The following KAT6B variants were observed in gnomAD, a reference collection of about 807,000 sequenced individuals.
The protein encoded by KAT6B is lysine acetyltransferase 6B, also known as histone acetyltransferase KAT6B.
KAT6B carries 10 observed loss-of-function variants against 187.5 expected under a neutral mutation model. The observed-to-expected ratio is 0.05, with a 90% CI of 0.03 to 0.09. The LOEUF (loss-of-function observed/expected upper bound fraction) is 0.09, where lower values mean the gene tolerates loss of function less well. Ranked by LOEUF, KAT6B falls within the 10% of genes least tolerant of loss-of-function variation. The pLI, the probability that KAT6B is intolerant of heterozygous loss-of-function variation, is 1.00. For missense variants in KAT6B, 1,952 were observed against 2,558.9 expected, an observed-to-expected ratio of 0.76 and a Z score of 5.12; for synonymous variants, 861 against 926.8, an observed-to-expected ratio of 0.93 and a Z score of 1.29.
intron 1 of KAT6B, among the ~76,000 whole-genome samples, chr10:74,835,211 A>ATTT (rs1464391355): frequency 6.6e-6 from 1 of 152,188 alleles, no homozygotes; most frequent in East Asian, 1.9e-4. Context: ...TGGGCCATGA[A>ATTT]GGATTTGAAT....
At chr10:74,878,746 A>C (rs748108491) in intron 3 of KAT6B, among the ~76,000 whole-genome samples, 1 of 152,164 alleles carries the variant, frequency 6.6e-6, no homozygotes, top group Non-Finnish European at 1.5e-5. Context: ...TATGTAGAGA[A>C]GTAACAAGCT....
chr10:74,908,228 G>A (rs181314669), intron 3 of KAT6B, among the ~76,000 whole-genome samples: 102 of 152,290 alleles, frequency 6.7e-4, no homozygotes, highest in African/African-American at 2.3e-3. Context: ...CCAGATGTGA[G>A]GCCCCTCGAA....
At chr10:75,022,741 G>C (rs1845534796) in intron 16 of KAT6B, among the ~76,000 whole-genome samples, 2 of 152,168 alleles carry the variant, frequency 1.3e-5, no homozygotes, top group Non-Finnish European at 2.9e-5. Flanking sequence ...GACCAGCCTG[G>C]CTAACGTGGT....
intron 3 of KAT6B, among the ~76,000 whole-genome samples, chr10:74,947,710 G>T (rs1160606667): frequency 2.7e-5 from 4 of 150,794 alleles, no homozygotes; most frequent in African/African-American, 9.7e-5. Flanking sequence ...TTTACCCTTA[G>T]TAGGCTTTCT....
chr10:74,987,515 T>C (rs912611516), intron 12 of KAT6B, among the ~76,000 whole-genome samples: 28 of 152,190 alleles, frequency 1.8e-4, no homozygotes, highest in Non-Finnish European at 2.9e-5. Flanking sequence ...GGGCTATTCT[T>C]GAACCACATT....
chr10:74,999,357 A>G (rs1176756804), intron 13 of KAT6B, among the ~76,000 whole-genome samples: 1 of 152,206 alleles, frequency 6.6e-6, no homozygotes, highest in African/African-American at 2.4e-5. Flanking sequence ...GGGGGTCTGC[A>G]TTAGAGGGAG....
chr10:74,906,669 CT>C (rs758521380), intron 3 of KAT6B, among the ~76,000 whole-genome samples: 1 of 152,206 alleles, frequency 6.6e-6, no homozygotes, highest in Non-Finnish European at 1.5e-5. Flanking sequence ...TCTGTTTCCT[CT>C]ATAAACTATG....
Position 74,982,396 on chromosome 10 carries a change from G to A in KAT6B, c.2373+468G>A, listed in dbSNP as rs41280420. The A allele has an allele frequency of 6.1e-3, 1,033 of 168,392 alleles. 6 individuals are homozygous for A. The highest frequency in any genetic ancestry group is 0.046 in the Middle Eastern group (15 of 328). 10.4% of individuals were successfully genotyped at this position (168,392 alleles called of 1,614,324 possible). A position where few individuals can be genotyped will look rare whatever the true frequency, so the allele number is the denominator to read the frequency against. On this transcript the variant is annotated intron_variant, in intron 11 of 17. Transcript: ENST00000287239. ...GGATAATCCTTTTGGTGAGACCCTA[G>A]CAGATGTTGGGACTCCCTCCCATCT...
rs756421689 is a variant in KAT6B at position 75,028,679 on chromosome 10, G to A, written c.3855G>A (p.Glu1285=). The A allele has an allele frequency of 1.9e-6, 3 of 1,614,084 alleles. No homozygotes were observed. Among genetic ancestry groups the A allele is most frequent in the South Asian group, 1.1e-5 (1 of 91,082 alleles). The part of the protein sequence containing the change: ...TPPETPMEPD[E]QVTVEEQKET... The stretch of plus-strand genomic sequence containing the variant: ...CAGAAACACCCATGGAGCCTGACGA[G>A]CAGGTAACAGTGGAAGAACAGAAGG... The change falls in exon 18 of 18, where the codon GAG becomes GAA. Residue 1285 remains glutamate (E), a synonymous_variant. Transcript: ENST00000287239.
intron 13 of KAT6B, among the ~76,000 whole-genome samples, chr10:75,015,769 T>C (rs1466899669): frequency 6.6e-6 from 1 of 152,180 alleles, no homozygotes; most frequent in Admixed American, 6.5e-5. Flanking sequence ...TCCTCAAAGA[T>C]TATCATCCCC....
In KAT6B at chr10:74,959,002, C is replaced by T. The variant is rs377733748; in HGVS notation, c.622-968C>T. 4.9e-4 allele frequency among the ~76,000 whole-genome samples: 74 copies of T among 151,710 alleles called. 1 individual carries two copies. In the South Asian group the frequency reaches 0.014, roughly 28 times the overall value. On this transcript the variant is annotated intron_variant, in intron 3 of 17. Transcript: ENST00000287239. ...GCAGTGAGCCAAGATCACACCATTG[C>T]ACTCCAGGCTGGCGACAGAGTGAGA...
At chr10:74,829,364 T>G (rs1840556629) in intron 1 of KAT6B, among the ~76,000 whole-genome samples, 1 of 152,190 alleles carries the variant, frequency 6.6e-6, no homozygotes, top group African/African-American at 2.4e-5. Context: ...AACTAAGTGA[T>G]CTGGCTTTCA....
At chr10:74,970,142 A>ATTGG in intron 6 of KAT6B, 41 bp downstream of exon 6, 1 of 1,474,886 alleles carries the variant, frequency 6.8e-7, no homozygotes, top group Non-Finnish European at 9.5e-7. Context: ...TTTATTACAT[A>ATTGG]TTGGTTAGCT....
At chr10:74,876,876 G>A (rs1322003364) in intron 3 of KAT6B, among the ~76,000 whole-genome samples, 1 of 151,858 alleles carries the variant, frequency 6.6e-6, no homozygotes, top group Non-Finnish European at 1.5e-5. Flanking sequence ...TCGCACCATT[G>A]CACTCCAGCC....
chr10:74,874,495 CA>C lies in KAT6B; in HGVS notation c.621+31018del, dbSNP rs566739294. Among the ~76,000 whole-genome samples, 341 of 152,252 alleles carry C rather than the reference CA, an allele frequency of 2.2e-3. 1 individual carries two copies. Among genetic ancestry groups the C allele is most frequent in the African/African-American group, 7.8e-3 (325 of 41,556 alleles). ...CCTAGTTCAAGGGATTCTCCTGCCT[CA>C]GTCTCCCGAGTAGCCAGGATTACAG... On this transcript the variant is annotated intron_variant, in intron 3 of 17. Transcript: ENST00000287239.
intron 7 of KAT6B, among the ~76,000 whole-genome samples, chr10:74,974,311 G>C (rs1333103591): frequency 6.6e-6 from 1 of 152,126 alleles, no homozygotes; most frequent in Admixed American, 6.5e-5. Flanking sequence ...TATACAAGAT[G>C]ATCACTAAAA....
At chr10:74,948,696 G>C (rs999724815) in intron 3 of KAT6B, among the ~76,000 whole-genome samples, 10 of 152,232 alleles carry the variant, frequency 6.6e-5, no homozygotes, top group Non-Finnish European at 1.3e-4. Flanking sequence ...CTGATACACA[G>C]CTCTACTAAG....
Position 75,032,344 on chromosome 10 carries a change from T to C in KAT6B, c.*1298T>C, listed in dbSNP as rs1391458583. ...ATTGATAGAGAATGACCAATGGAACTGTATCATGTGTCACGCCTCAGAACA... is the reference window on the plus strand; with the variant it reads ...ATTGATAGAGAATGACCAATGGAACCGTATCATGTGTCACGCCTCAGAACA... On this transcript the variant is annotated 3_prime_UTR_variant, in exon 18 of 18. Coordinates refer to ENST00000287239, the MANE Select transcript of KAT6B (RefSeq NM_012330.4). 5.1e-6 allele frequency: 1 copy of C among 194,276 alleles called. No homozygotes were observed. Among genetic ancestry groups the C allele is most frequent in the Non-Finnish European group, 1.1e-5 (1 of 93,068 alleles). The allele number at this position is 194,276 out of a possible 1,614,324, so 12.0% of individuals were successfully genotyped here. A position where few individuals can be genotyped will look rare whatever the true frequency, so the allele number is the denominator to read the frequency against.
intron 13 of KAT6B, among the ~76,000 whole-genome samples, chr10:75,017,784 A>G (rs77891011): frequency 6.6e-6 from 1 of 152,376 alleles, no homozygotes; most frequent in Non-Finnish European, 1.5e-5. Flanking sequence ...ACGCCAGTGG[A>G]GTGGACATGA....
Sources: allele counts gnomAD v4.1 joint callset (sites outside exome capture counted in the v4.1 genomes callset), GRCh38; gene constraint gnomAD v4.1.1; transcripts MANE v1.5; gene names NCBI Gene and HGNC (gene_info 2026-07-23, HGNC 2026-07-21).